The following PAX5 variants were observed in gnomAD, a reference collection of about 807,000 sequenced individuals.
PAX5 encodes paired box 5.
Under a neutral mutation model 43.7 loss-of-function variants are expected in PAX5, and 9 were observed. The ratio of observed to expected loss-of-function variants is 0.21; its 90% CI spans 0.12 to 0.36. The LOEUF (loss-of-function observed/expected upper bound fraction) is 0.36, where lower values mean the gene tolerates loss of function less well. PAX5 is among the 10% of genes least tolerant of loss of function. The pLI is 1.00. For synonymous variants in PAX5, 228 were observed against 214.3 expected (o/e 1.06, Z -0.56); for missense variants, 383 against 532.7 (o/e 0.72, Z 2.77).
intron 6 of PAX5, among the ~76,000 whole-genome samples, chr9:36,961,923 G>A (rs188937169): frequency 2.6e-4 from 39 of 152,272 alleles, no homozygotes; most frequent in African/African-American, 9.1e-4. Context: ...AAACAGAATT[G>A]CTTTTTCAAT....
At chr9:36,973,135 A>AAAAGGAAAGGAAAGGAAAGG (rs1197914196) in intron 5 of PAX5, among the ~76,000 whole-genome samples, 1 of 74,772 alleles carries the variant, frequency 1.3e-5, no homozygotes, top group Non-Finnish European at 2.7e-5. Flanking sequence ...GAAAGGAAAG[A>AAAAGGAAAGGAAAGGAAAGG]AAAGGAAAGG....
intron 7 of PAX5, among the ~76,000 whole-genome samples, chr9:36,892,274 T>C (rs1827465694): frequency 6.6e-6 from 1 of 152,196 alleles, no homozygotes; most frequent in African/African-American, 2.4e-5. Flanking sequence ...ACTTTATTCA[T>C]TCGTTCACTC....
intron 1 of PAX5, among the ~76,000 whole-genome samples, chr9:37,030,199 C>T (rs1468457931): frequency 6.6e-6 from 1 of 152,228 alleles, no homozygotes; most frequent in Non-Finnish European, 1.5e-5. Context: ...CTTCCCGCAA[C>T]TCTCGGCGTT....
rs1186834753 is a variant in PAX5 at position 36,836,539 on chromosome 9, A to G, written c.*4021T>C. The G allele has an allele frequency of 1.3e-5, 3 of 233,002 alleles. No individual in the cohort carries two copies. The highest frequency in any genetic ancestry group is 6.6e-5 in the African/African-American group (3 of 45,338). 14.4% of individuals were successfully genotyped at this position (233,002 alleles called of 1,614,324 possible). Reference sequence around the variant, plus strand: ...AAATTTTACAAGTTTTCATACTTGAATGCCACTCAGGGGGGCAGGCACACT... The same window carrying G: ...AAATTTTACAAGTTTTCATACTTGAGTGCCACTCAGGGGGGCAGGCACACT... On this transcript the variant is annotated 3_prime_UTR_variant, in exon 10 of 10. Transcript: ENST00000358127.
At chr9:36,899,431 AC>A (rs1417317180) in intron 7 of PAX5, among the ~76,000 whole-genome samples, 1 of 152,198 alleles carries the variant, frequency 6.6e-6, no homozygotes, top group Non-Finnish European at 1.5e-5. Flanking sequence ...CTGAAGCTAA[AC>A]AAATGCCTAG....
chr9:37,017,433 A>G (rs1332285950), intron 2 of PAX5, among the ~76,000 whole-genome samples: 2 of 152,230 alleles, frequency 1.3e-5, no homozygotes, highest in African/African-American at 4.8e-5. Context: ...TTAAATAATA[A>G]TAAGAATAAT....
chr9:37,021,811 C>T (rs906306563), intron 1 of PAX5, among the ~76,000 whole-genome samples: 2 of 152,160 alleles, frequency 1.3e-5, no homozygotes, highest in Non-Finnish European at 2.9e-5. Flanking sequence ...CACTCACTGA[C>T]GTTGCTGAAG....
chr9:37,002,488 T>C (rs1034095230), intron 5 of PAX5, among the ~76,000 whole-genome samples, 160 bp downstream of exon 5: 1 of 152,230 alleles, frequency 6.6e-6, no homozygotes, highest in African/African-American at 2.4e-5. Flanking sequence ...GGCTCAGCCC[T>C]TTCCCGTGTT....
At chr9:36,931,054 C>A in intron 6 of PAX5, 1 of 446,708 alleles carries the variant, frequency 2.2e-6, no homozygotes, top group South Asian at 1.6e-5. Flanking sequence ...CAGATGGCCA[C>A]CTGGGGCCAG....
intron 8 of PAX5, among the ~76,000 whole-genome samples, chr9:36,869,938 AAATGGATGGATGGATG>A (rs1825303195): frequency 2.1e-5 from 1 of 47,722 alleles, no homozygotes; most frequent in East Asian, 6.4e-4. Flanking sequence ...ATGGATGGAT[AAATGGATGGATGGATG>A]GATGGATAAA....
chr9:37,033,935 C>T (rs1349862230), intron 1 of PAX5, 51 bp downstream of exon 1: 1 of 1,593,326 alleles, frequency 6.3e-7, no homozygotes, highest in South Asian at 1.1e-5. Flanking sequence ...GGGACCAAGG[C>T]CTGGCCGTGT....
At chr9:37,011,863 G>C (rs975067286) in intron 3 of PAX5, among the ~76,000 whole-genome samples, 2 of 152,184 alleles carry the variant, frequency 1.3e-5, no homozygotes, top group Admixed American at 1.3e-4. Flanking sequence ...TTGCCTCCAA[G>C]GGAGGCAAGG....
At chr9:36,978,284 GA>G (rs1835622509) in intron 5 of PAX5, among the ~76,000 whole-genome samples, 1 of 152,154 alleles carries the variant, frequency 6.6e-6, no homozygotes, top group African/African-American at 2.4e-5. Flanking sequence ...ACACTAATTA[GA>G]AAGGATGTTA....
chr9:36,918,101 C>A (rs113055062), intron 7 of PAX5, among the ~76,000 whole-genome samples: 1 of 152,140 alleles, frequency 6.6e-6, no homozygotes, highest in Non-Finnish European at 1.5e-5. Context: ...TTAGGCCAAT[C>A]AATAACCCTA....
chr9:36,879,553 G>A (rs1327491331), intron 8 of PAX5, among the ~76,000 whole-genome samples: 1 of 152,164 alleles, frequency 6.6e-6, no homozygotes, highest in Non-Finnish European at 1.5e-5. Flanking sequence ...TGCCTCCCTG[G>A]GTGTGGGGAG....
chr9:36,976,387 A>G (rs1835428953), intron 5 of PAX5, among the ~76,000 whole-genome samples: 1 of 152,084 alleles, frequency 6.6e-6, no homozygotes, highest in Non-Finnish European at 1.5e-5. Context: ...GGTCCTGGAG[A>G]AGGGACGATC....
At position 36,882,631 on chromosome 9, in the gene PAX5, T is replaced by C. The variant is rs1826548346; in HGVS notation, c.911-526A>G. Among the ~76,000 whole-genome samples the C allele has an allele frequency of 6.6e-6, 1 of 152,240 alleles. No individual in the cohort carries two copies. The highest frequency in any genetic ancestry group is 1.5e-5 in the Non-Finnish European group (1 of 68,048). ...CCCCACAGTGAACAGGGGGCATATC[T>C]GCCTCAAACCTTATAGTCCCATATC... On this transcript the variant is annotated intron_variant, in intron 7 of 9. Transcript: ENST00000358127. This position sits in a 1 kb window ranked among gnomAD's most constrained non-coding sequence, Gnocchi z 4.4.
chr9:36,903,727 C>T (rs1463245968), intron 7 of PAX5, among the ~76,000 whole-genome samples: 1 of 152,234 alleles, frequency 6.6e-6, no homozygotes, highest in African/African-American at 2.4e-5. Flanking sequence ...GAGCAGGAGG[C>T]TGACCTAAGG....
rs1655558372 is a variant in PAX5 at position 36,836,156 on chromosome 9, T to G, written c.*4404A>C. ...TGTGGCCACATCTGAGTCTCTTCCC[T>G]GCACATGTGAAAGGTGCCCAAGCAG... On this transcript the variant is annotated 3_prime_UTR_variant, in exon 10 of 10. Transcript: ENST00000358127. 1 of 233,424 alleles carries G rather than the reference T, an allele frequency of 4.3e-6. No individual in the cohort carries two copies. The highest frequency in any genetic ancestry group is 1.8e-4 in the South Asian group (1 of 5,540). 14.5% of individuals were successfully genotyped at this position (233,424 alleles called of 1,614,324 possible). A position where few individuals can be genotyped will look rare whatever the true frequency, so the allele number is the denominator to read the frequency against.
Sources: gnomAD v4.1 joint callset for allele counts (sites outside exome capture counted in the v4.1 genomes callset) on GRCh38, gnomAD v4.1.1 for gene constraint, Gnocchi (gnomAD v3.1) non-coding constraint, MANE v1.5 for transcripts, NCBI Gene and HGNC (gene_info 2026-07-23, HGNC 2026-07-21) for gene names.